Variants in MTMR9 observed in about 807,000 individuals in gnomAD.
MTMR9 encodes myotubularin related protein 9.
In MTMR9, 39 loss-of-function variants were observed where a neutral mutation model predicts 69.5. The ratio of observed to expected loss-of-function variants is 0.56; its 90% CI spans 0.43 to 0.73. The LOEUF is 0.73. Among genes scored for constraint, MTMR9 ranks in the 30% least tolerant of loss-of-function variants. The pLI is 0.00. For synonymous variants in MTMR9, 354 were observed against 240.8 expected, an observed-to-expected ratio of 1.47 and a Z score of -4.35; for missense variants, 900 against 671.2, an observed-to-expected ratio of 1.34 and a Z score of -3.77.
chr8:11,306,771 A>G lies in MTMR9; in HGVS notation c.809+364A>G, dbSNP rs1474660728. 4.6e-5 allele frequency among the ~76,000 whole-genome samples: 7 copies of G among 152,194 alleles called. No homozygotes were observed. In the South Asian group the frequency reaches 1.0e-3, roughly 22 times the overall value. The stretch of plus-strand genomic sequence containing the variant: ...TATATTAGTTTTAACTACAGTTACC[A>G]TGCTGTACAATAGACCTACAGAACT... On this transcript the variant is annotated intron_variant, in intron 5 of 9. Transcript: ENST00000221086.
At chr8:11,298,354 C>T (rs561793944) in intron 2 of MTMR9, among the ~76,000 whole-genome samples, 2 of 151,778 alleles carry the variant, frequency 1.3e-5, no homozygotes, top group African/African-American at 4.8e-5. Flanking sequence ...GTGTGATTGG[C>T]AGCCAAAGAC....
rs1179627989 is a variant in MTMR9 at position 11,284,884 on chromosome 8, G to GA, written c.-5_-4insA. On this transcript the variant is annotated 5_prime_UTR_variant, in exon 1 of 10. Transcript: ENST00000221086. ...TCGGTTCCCTGGCTCCGGCCGCGGG[G>GA]GAGCATGGAGTTTGCGGAGCTGATT... The GA allele has an allele frequency of 4.4e-6, 7 of 1,595,972 alleles. No homozygotes were observed. The highest frequency in any genetic ancestry group is 3.4e-6 in the Non-Finnish European group (4 of 1,170,602).
At chr8:11,334,503 T>A in the MTMR9 span, among the ~76,000 whole-genome samples, 4 of 151,902 alleles carry the variant, frequency 2.6e-5, no homozygotes, top group Non-Finnish European at 5.9e-5. Flanking sequence ...ACAAGGAAAA[T>A]ATCTATGGAA....
In MTMR9 at chr8:11,322,938, A is replaced by C. The variant is rs576340339; in HGVS notation, c.*150A>C. 3 of 543,376 alleles carry C rather than the reference A, an allele frequency of 5.5e-6. No homozygotes were observed. The highest frequency in any genetic ancestry group is 6.1e-6 in the Non-Finnish European group (2 of 327,858). 33.7% of individuals were successfully genotyped at this position (543,376 alleles called of 1,614,324 possible). On this transcript the variant is annotated 3_prime_UTR_variant, in exon 10 of 10. Transcript: ENST00000221086. ...AATGTAATGGATTTCTCAATACTGT[A>C]TGAATAATGAAACTTACTATCATAA...
chr8:11,287,871 TA>T (rs1174118455), intron 1 of MTMR9, among the ~76,000 whole-genome samples: 35 of 108,976 alleles, frequency 3.2e-4, no homozygotes, highest in African/African-American at 1.5e-3. Flanking sequence ...TATTATATTA[TA>T]ATATATAACA....
Position 11,326,001 on chromosome 8 carries a change from A to T in MTMR9, c.*3213A>T, listed in dbSNP as rs1210457894. On this transcript the variant is annotated 3_prime_UTR_variant, in exon 10 of 10. Transcript: ENST00000221086. ...CTTTGAGGCCTGATTTAGGGGTGGG[A>T]TTTTATTGCTTTTTGTTTTAAAGGA... 1 of 151,966 alleles carries T rather than the reference A, an allele frequency of 6.6e-6. No individual in the cohort carries two copies. Among genetic ancestry groups the T allele is most frequent in the Non-Finnish European group, 1.5e-5 (1 of 67,998 alleles). The allele number at this position is 151,966 out of a possible 1,614,324, so 9.4% of individuals were successfully genotyped here.
At chr8:11,314,812 A>G in intron 6 of MTMR9, 111 bp from the exon 7 acceptor site, 2 of 1,002,246 alleles carry the variant, frequency 2.0e-6, no homozygotes, top group Non-Finnish European at 3.0e-6. Flanking sequence ...CACTAAATAA[A>G]CTGAACTCAG....
intron 1 of MTMR9, among the ~76,000 whole-genome samples, chr8:11,294,333 T>G (rs981876011): frequency 1.2e-4 from 18 of 152,144 alleles, no homozygotes; most frequent in African/African-American, 4.3e-4. Flanking sequence ...AATTCAATCC[T>G]TCACCGTTAA....
chr8:11,300,830 AAAT>A (rs1384318831), intron 3 of MTMR9: 2 of 152,246 alleles, frequency 1.3e-5, no homozygotes, highest in African/African-American at 4.8e-5. Context: ...CAAGAGATCT[AAAT>A]AAAAGGAGAG....
At position 11,319,436 on chromosome 8, in the gene MTMR9, G is replaced by C. The variant is rs1215400282; in HGVS notation, c.1335-251G>C. Reference sequence around the variant, plus strand: ...TTTAACACCAAACCTGATGTGACCAGATTCTGTTTTTATCCTCCTGCCAGC... The same window carrying C: ...TTTAACACCAAACCTGATGTGACCACATTCTGTTTTTATCCTCCTGCCAGC... On this transcript the variant is annotated intron_variant, in intron 8 of 9. Transcript: ENST00000221086. 1.3e-5 allele frequency: 6 copies of C among 470,264 alleles called. No homozygotes were observed. The Admixed American group carries it at 2.3e-4, about 18-fold the overall frequency. The allele number at this position is 470,264 out of a possible 1,614,324, so 29.1% of individuals were successfully genotyped here. A position where few individuals can be genotyped will look rare whatever the true frequency, so the allele number is the denominator to read the frequency against.
At chr8:11,322,587 C>G in intron 9 of MTMR9, 38 bp from the exon 10 acceptor site, 2 of 1,574,540 alleles carry the variant, frequency 1.3e-6, no homozygotes, top group Non-Finnish European at 1.7e-6. Flanking sequence ...ATTGTATATA[C>G]CTTTCTTGCT....
In MTMR9 at chr8:11,314,907, C is replaced by T; in HGVS notation, c.972-16C>T. On this transcript the variant is annotated splice_polypyrimidine_tract_variant and intron_variant, in intron 6 of 9. Transcript: ENST00000221086. ...GGACATTTCCCATTTGTACTCTTCC[C>T]TGATTTTCCTATCAGGGAAGGAGCA... 6.2e-7 allele frequency: 1 copy of T among 1,611,784 alleles called. No individual in the cohort carries two copies. The highest frequency in any genetic ancestry group is 8.5e-7 in the Non-Finnish European group (1 of 1,178,182).
intron 3 of MTMR9, among the ~76,000 whole-genome samples, chr8:11,303,821 A>T (rs1003133773): frequency 3.3e-4 from 50 of 152,094 alleles, no homozygotes; most frequent in African/African-American, 1.2e-3. Context: ...GGTGTGAACC[A>T]CTGTGCCCAG....
chr8:11,322,728 T>C lies in MTMR9; in HGVS notation c.1590T>C (p.Asn530=), dbSNP rs1203487801. ...ATAAAGAATTACAAGCAAAAGTCAA[T>C]ATCCTTCGAAGGCAGTTGGCAGAAC... is the stretch of plus-strand genomic sequence containing the variant. ...EYNKELQAKV[N]ILRRQLAELE... Residue 530 remains asparagine, a synonymous_variant, in exon 10 of 10, where the codon AAT becomes AAC. Transcript: ENST00000221086. 1 of 1,614,046 alleles carries C rather than the reference T, an allele frequency of 6.2e-7. No individual in the cohort carries two copies.
rs1800753512 is a variant in MTMR9 at position 11,322,752 on chromosome 8, A to G, written c.1614A>G (p.Glu538=). 6.2e-7 allele frequency: 1 copy of G among 1,614,084 alleles called. No individual in the cohort carries two copies. The highest frequency in any genetic ancestry group is 8.5e-7 in the Non-Finnish European group (1 of 1,179,970). The change falls in exon 10 of 10, where the codon GAA becomes GAG. Residue 538 remains glutamate (E), a synonymous_variant. Transcript: ENST00000221086. ...KVNILRRQLA[E]LETEDGMQES... is the part of the protein sequence containing the mutation. ...ATATCCTTCGAAGGCAGTTGGCAGAACTGGAAACAGAGGACGGGATGCAGG... is the reference window on the plus strand; with the variant it reads ...ATATCCTTCGAAGGCAGTTGGCAGAGCTGGAAACAGAGGACGGGATGCAGG...
At chr8:11,307,163 C>CCAGGTTCAAGTGATTCTCCTGTCT (rs1164227284) in intron 5 of MTMR9, among the ~76,000 whole-genome samples, 3 of 152,146 alleles carry the variant, frequency 2.0e-5, no homozygotes, top group Non-Finnish European at 4.4e-5. Context: ...TCTCTGCCTC[C>CCAGGTTCAAGTGATTCTCCTGTCT]CAGGTTCAAG....
chr8:11,331,223 C>A (rs761865176), downstream of MTMR9: 6 of 1,613,880 alleles, frequency 3.7e-6, no homozygotes, highest in Non-Finnish European at 5.1e-6. Context: ...CCACCAATGG[C>A]CTGCTGGTGG....
At chr8:11,322,401 A>G (rs1027139224) in intron 9 of MTMR9, among the ~76,000 whole-genome samples, 1 of 152,258 alleles carries the variant, frequency 6.6e-6, no homozygotes, top group Admixed American at 6.5e-5. Flanking sequence ...ATCAATGAGC[A>G]TGTACATACA....
downstream of MTMR9, among the ~76,000 whole-genome samples, chr8:11,329,813 C>G (rs1563295442): frequency 1.3e-5 from 2 of 151,566 alleles, no homozygotes; most frequent in Non-Finnish European, 1.5e-5. Context: ...CCCGGCTGCC[C>G]AGTCTGGGAA....
Sources: allele counts gnomAD v4.1 joint callset (sites outside exome capture counted in the v4.1 genomes callset), GRCh38; gene constraint gnomAD v4.1.1; transcripts MANE v1.5; gene names NCBI Gene and HGNC (gene_info 2026-07-23, HGNC 2026-07-21).